The following ATG16L1 variants were observed in gnomAD, a reference collection of about 807,000 sequenced individuals.
ATG16L1 encodes autophagy-related protein 16-1.
ATG16L1 carries 37 observed loss-of-function variants against 88.5 expected under a neutral mutation model. That is an observed-to-expected ratio of 0.42 (90% CI 0.32 to 0.55). The LOEUF is 0.55. Among genes scored for constraint, ATG16L1 ranks in the 20% least tolerant of loss-of-function variants. ATG16L1 has a pLI of 0.13. For missense variants in ATG16L1, 554 were observed against 752.8 expected (o/e 0.74, Z 3.09); for synonymous variants, 301 against 281.0 (o/e 1.07, Z -0.71).
chr2:233,282,146 A>G (rs1260238285), intron 11 of ATG16L1, among the ~76,000 whole-genome samples: 1 of 152,226 alleles, frequency 6.6e-6, no homozygotes, highest in Admixed American at 6.5e-5. Flanking sequence ...TATGGTGTTA[A>G]GTTGTGGTGG....
At chr2:233,280,338 T>C (rs1698640953) in intron 10 of ATG16L1, among the ~76,000 whole-genome samples, 1 of 152,362 alleles carries the variant, frequency 6.6e-6, no homozygotes, top group South Asian at 2.1e-4. Flanking sequence ...AGGAATTTAA[T>C]CAAATCATTG....
chr2:233,286,243 TCGGC>T (rs1699063875), intron 12 of ATG16L1, among the ~76,000 whole-genome samples: 1 of 152,008 alleles, frequency 6.6e-6, no homozygotes, highest in Non-Finnish European at 1.5e-5. Context: ...GAAATAGGGG[TCGGC>T]ACTCGTTATC....
At chr2:233,281,268 T>A in intron 11 of ATG16L1, 93 bp downstream of exon 11, 1 of 962,568 alleles carries the variant, frequency 1.0e-6, no homozygotes, top group African/African-American at 1.7e-5. Flanking sequence ...CCGATTTCTC[T>A]GCCATTCTCT....
chr2:233,255,436 G>A (rs867657316), intron 1 of ATG16L1, among the ~76,000 whole-genome samples: 1 of 152,196 alleles, frequency 6.6e-6, no homozygotes, highest in African/African-American at 2.4e-5. Context: ...TTGCTTGAGC[G>A]AGGAGCCTCA....
At chr2:233,267,274 G>A (rs1336608486) in intron 5 of ATG16L1, among the ~76,000 whole-genome samples, 1 of 152,178 alleles carries the variant, frequency 6.6e-6, no homozygotes, top group Non-Finnish European at 1.5e-5. Context: ...GCTTGAACCC[G>A]GGAGGTGGAA....
chr2:233,256,173 G>A lies in ATG16L1; in HGVS notation c.187G>A (p.Val63Ile), dbSNP rs757564400. ...GAAACTACAGGCTGAAAAGCATGAC[G>A]TACCAAACAGGCACGAGATAAGGTA... ...AQKLQAEKHD[V>I]PNRHEISPGH... The change falls in exon 2 of 18, where the codon GTA (valine) becomes ATA (isoleucine). Residue 63 changes from valine to isoleucine, a missense_variant. This residue lies in a region of ATG16L1 where 101 missense variants were observed against 107.0 expected (regional missense o/e 0.94). Transcript: ENST00000392017. 94 of 1,613,804 alleles carry A rather than the reference G, an allele frequency of 5.8e-5. No individual in the cohort carries two copies. The highest frequency in any genetic ancestry group is 6.8e-5 in the Non-Finnish European group (80 of 1,179,904).
chr2:233,291,579 G>T (rs1002931507), intron 14 of ATG16L1, among the ~76,000 whole-genome samples: 6 of 152,194 alleles, frequency 3.9e-5, no homozygotes, highest in Non-Finnish European at 7.3e-5. Context: ...GCCCAGGGTG[G>T]CTGTTAGCCA....
At chr2:233,273,096 C>G (rs747234490) in intron 7 of ATG16L1, 44 bp downstream of exon 7, 54 of 1,490,892 alleles carry the variant, frequency 3.6e-5, no homozygotes, top group Non-Finnish European at 4.7e-5. Context: ...GCTTGAGGAG[C>G]AATATGAAGG....
At chr2:233,278,607 G>C (rs1460712624) in intron 10 of ATG16L1, among the ~76,000 whole-genome samples, 1 of 152,218 alleles carries the variant, frequency 6.6e-6, no homozygotes, top group African/African-American at 2.4e-5. Flanking sequence ...TCTGTGGTGA[G>C]GGAGTGGTGG....
rs1391375819 is a variant in ATG16L1, at chr2:233,251,850, C to T, written c.23C>T (p.Ala8Val). 17 of 1,549,962 alleles carry T rather than the reference C, an allele frequency of 1.1e-5. No homozygotes were observed. Among genetic ancestry groups the T allele is most frequent in the Non-Finnish European group, 1.5e-5 (17 of 1,147,002 alleles). Residue 8 changes from alanine to valine, a missense_variant, in exon 1 of 18, where the codon GCT becomes GTT. Around this residue, in one of 5 missense-constraint regions of ATG16L1, gnomAD observed 101 missense variants for 107.0 expected, o/e 0.94. Coordinates refer to ENST00000392017, the MANE Select transcript of ATG16L1 (RefSeq NM_030803.7). ...GACATGTCGTCGGGCCTCCGCGCCG[C>T]TGACTTCCCCCGCTGGAAGCGCCAC... is the stretch of plus-strand genomic sequence containing the variant. MSSGLRA[A>V]DFPRWKRHIS...
chr2:233,293,065 G>A (rs997096955), intron 16 of ATG16L1, among the ~76,000 whole-genome samples, 191 bp from the exon 17 acceptor site: 3 of 152,324 alleles, frequency 2.0e-5, no homozygotes, highest in African/African-American at 4.8e-5. Context: ...TTCATTAGCC[G>A]GACGGGGCTG....
At chr2:233,294,234 C>CT (rs778498965) in intron 17 of ATG16L1, 23 bp from the exon 18 acceptor site, 130 of 1,552,728 alleles carry the variant, frequency 8.4e-5, no homozygotes, top group Admixed American at 2.1e-4. Flanking sequence ...AAACTTGGTG[C>CT]TTTTCTGATC....
Position 233,276,020 on chromosome 2 carries a change from C to G in ATG16L1, c.954+1242C>G, listed in dbSNP as rs182555598. On this transcript the variant is annotated intron_variant, in intron 9 of 17. Coordinates refer to ENST00000392017, the MANE Select transcript of ATG16L1 (RefSeq NM_030803.7). The stretch of plus-strand genomic sequence containing the variant: ...CTGAGACCTCCTAAGGAGAAAGAAA[C>G]CATAAAAAAGAAAAGGAAATTTCAT... 136 of 504,234 alleles carry G rather than the reference C, an allele frequency of 2.7e-4. 1 individual carries two copies. In the East Asian group the frequency reaches 7.2e-3, roughly 27 times the overall value. 31.2% of individuals were successfully genotyped at this position (504,234 alleles called of 1,614,324 possible).
intron 2 of ATG16L1, among the ~76,000 whole-genome samples, chr2:233,256,806 A>G (rs1198477750): frequency 6.6e-6 from 1 of 151,802 alleles, no homozygotes; most frequent in Admixed American, 6.6e-5. Context: ...GGTTCAAGCA[A>G]TTCTCCTGCC....
intron 12 of ATG16L1, chr2:233,288,639 T>C (rs969458869): frequency 4.7e-6 from 2 of 423,066 alleles, no homozygotes; most frequent in African/African-American, 2.0e-5. Context: ...CTCTGGTGTT[T>C]TACACATAGA....
chr2:233,263,912 A>C, intron 3 of ATG16L1, 80 bp from the exon 4 acceptor site: 1 of 1,399,524 alleles, frequency 7.1e-7, no homozygotes, highest in Non-Finnish European at 1.0e-6. Flanking sequence ...TTTCTTAAAA[A>C]TAAATCGCCA....
chr2:233,265,627 G>C (rs1221363871), intron 5 of ATG16L1, among the ~76,000 whole-genome samples: 3 of 151,958 alleles, frequency 2.0e-5, no homozygotes, highest in Non-Finnish European at 4.4e-5. Flanking sequence ...ACACCACCAC[G>C]CCTGGCTAAT....
chr2:233,257,399 T>C (rs1696868977), intron 2 of ATG16L1, among the ~76,000 whole-genome samples: 1 of 152,322 alleles, frequency 6.6e-6, no homozygotes, highest in African/African-American at 2.4e-5. Context: ...GCTTTGAGTA[T>C]CCATCCAACC....
In ATG16L1 at chr2:233,281,101, A is replaced by G. The variant is rs1020903387; in HGVS notation, c.1061-4A>G. ...CATCATCCTAATTTTTTCTTTTTAT[A>G]CAGAAAAATGTGAGTTCAAGGGTTC... On this transcript the variant is annotated splice_polypyrimidine_tract_variant and splice_region_variant and intron_variant, in intron 10 of 17. Coordinates refer to ENST00000392017, the MANE Select transcript of ATG16L1 (RefSeq NM_030803.7). 1 of 1,580,824 alleles carries G rather than the reference A, an allele frequency of 6.3e-7. No homozygotes were observed. The highest frequency in any genetic ancestry group is 1.2e-5 in the South Asian group (1 of 85,254).
Sources: allele counts gnomAD v4.1 joint callset (sites outside exome capture counted in the v4.1 genomes callset), GRCh38; gene constraint gnomAD v4.1.1; regional missense constraint gnomAD v4.1.1; transcripts MANE v1.5; gene names NCBI Gene and HGNC (gene_info 2026-07-23, HGNC 2026-07-21).